Variants in MCF2L observed in about 807,000 individuals in gnomAD.
The protein encoded by MCF2L is MCF.2 cell line derived transforming sequence like.
MCF2L carries 97 observed loss-of-function variants against 153.4 expected under a neutral mutation model. That is an observed-to-expected ratio of 0.63 (90% CI 0.54 to 0.75). MCF2L has a LOEUF of 0.75. MCF2L is among the 30% of genes least tolerant of loss of function. The pLI is 0.00. For missense variants in MCF2L, 1,347 were observed against 1,495.2 expected, an observed-to-expected ratio of 0.90 and a Z score of 1.64; for synonymous variants, 659 against 632.2, an observed-to-expected ratio of 1.04 and a Z score of -0.64.
At chr13:113,002,386 C>T (rs912318767) in intron 1 of MCF2L, among the ~76,000 whole-genome samples, 7 of 152,258 alleles carry the variant, frequency 4.6e-5, no homozygotes, top group African/African-American at 1.4e-4. Context: ...GCAGCGCCCA[C>T]GTCTGGCTGG....
rs563116404 is a variant in MCF2L, at chr13:113,071,193, T to G, written c.996+1020T>G. 8.5e-5 allele frequency among the ~76,000 whole-genome samples: 13 copies of G among 152,348 alleles called. No homozygotes were observed. The South Asian group carries it at 2.7e-3, about 32-fold the overall frequency. On this transcript the variant is annotated intron_variant, in intron 9 of 29. Transcript: ENST00000535094. Reference sequence around the variant, plus strand: ...TTATTTGCCATTCGCATATCCTCTTTGGTAAAATGTCTTATTTCTGTTGCC... The same window carrying G: ...TTATTTGCCATTCGCATATCCTCTTGGGTAAAATGTCTTATTTCTGTTGCC...
At chr13:112,999,921 C>T (rs534939974) in intron 1 of MCF2L, among the ~76,000 whole-genome samples, 1 of 152,010 alleles carries the variant, frequency 6.6e-6, no homozygotes, top group Non-Finnish European at 1.5e-5. Context: ...GTGCGGGCGG[C>T]GAGTGGGCTG....
chr13:113,082,933 C>T (rs1308097621), intron 17 of MCF2L, among the ~76,000 whole-genome samples: 11 of 152,134 alleles, frequency 7.2e-5, no homozygotes, highest in Admixed American at 5.9e-4. Context: ...AGGGGGTCAC[C>T]GAAGGCCATA....
upstream of MCF2L, among the ~76,000 whole-genome samples, chr13:112,964,448 C>T (rs1033857896): frequency 2.6e-5 from 4 of 152,204 alleles, no homozygotes; most frequent in South Asian, 6.2e-4. Flanking sequence ...AATCCCACAG[C>T]GCCCTGTGTC....
At chr13:112,914,885 T>C (rs1462477991) in intron 2 of MCF2L, among the ~76,000 whole-genome samples, 3 of 152,196 alleles carry the variant, frequency 2.0e-5, no homozygotes, top group Admixed American at 2.0e-4. Flanking sequence ...TTTTTTTTCT[T>C]TTGCCACTTA....
chr13:113,081,378 C>A, intron 16 of MCF2L, 99 bp downstream of exon 16: 1 of 1,193,680 alleles, frequency 8.4e-7, no homozygotes, highest in Non-Finnish European at 1.2e-6. Flanking sequence ...AGCCTGCTGT[C>A]CACCAAATGC....
At chr13:112,968,929 G>A, upstream of MCF2L, 2 of 548,708 alleles carry the variant, frequency 3.6e-6, no homozygotes, top group Non-Finnish European at 6.0e-6. Context: ...CGAATTTCTA[G>A]GTGACCTGTG....
At chr13:113,002,541 C>T (rs771047432) in intron 1 of MCF2L, among the ~76,000 whole-genome samples, 17 of 152,200 alleles carry the variant, frequency 1.1e-4, no homozygotes, top group Non-Finnish European at 2.5e-4. Context: ...GTGGACCCGG[C>T]TGGGCGGCCT....
chr13:113,082,727 G>A (rs1426321466), intron 17 of MCF2L, among the ~76,000 whole-genome samples, 185 bp downstream of exon 17: 4 of 152,192 alleles, frequency 2.6e-5, no homozygotes, highest in Admixed American at 6.5e-5. Flanking sequence ...GAGCGCCCAC[G>A]TGGCACCGTA....
rs982274425 is a variant in MCF2L at position 113,097,534 on chromosome 13, G to A, written c.*675G>A. 3 of 152,180 alleles carry A rather than the reference G, an allele frequency of 2.0e-5. No homozygotes were observed. Among genetic ancestry groups the A allele is most frequent in the African/African-American group, 4.8e-5 (2 of 41,438 alleles). The allele number at this position is 152,180 out of a possible 1,614,324, so 9.4% of individuals were successfully genotyped here. On this transcript the variant is annotated 3_prime_UTR_variant, in exon 30 of 30. Transcript: ENST00000535094. Reference sequence around the variant, plus strand: ...CACAGGTGGATGAAAACGTGTCCGTGGGTGACATCAGGTGGTGTCTCCACC... The same window carrying A: ...CACAGGTGGATGAAAACGTGTCCGTAGGTGACATCAGGTGGTGTCTCCACC...
chr13:113,030,327 T>A (rs554859913), intron 3 of MCF2L, among the ~76,000 whole-genome samples: 1 of 134,626 alleles, frequency 7.4e-6, no homozygotes, highest in Non-Finnish European at 1.6e-5. Flanking sequence ...GACCCTCAGG[T>A]GTCTGCCGAC....
At chr13:112,895,328 C>T (rs1191276014) in intron 1 of MCF2L, among the ~76,000 whole-genome samples, 1 of 152,156 alleles carries the variant, frequency 6.6e-6, no homozygotes, top group Admixed American at 6.5e-5. Flanking sequence ...GCCGCCCAGG[C>T]AGGATGTGCC....
intron 2 of MCF2L, among the ~76,000 whole-genome samples, chr13:112,911,505 CT>C (rs1170328615): frequency 2.6e-5 from 4 of 152,260 alleles, no homozygotes; most frequent in Admixed American, 2.0e-4. Context: ...CTGCTGCAGG[CT>C]CCTCTGGGAA....
chr13:113,078,815 G>A lies in MCF2L; in HGVS notation c.1808+76G>A, dbSNP rs544597953. 227 of 1,268,510 alleles carry A rather than the reference G, an allele frequency of 1.8e-4. No individual in the cohort carries two copies. The East Asian group carries it at 5.2e-3, about 29-fold the overall frequency. 78.6% of individuals were successfully genotyped at this position (1,268,510 alleles called of 1,614,324 possible). On this transcript the variant is annotated intron_variant, in intron 15 of 29. Coordinates refer to ENST00000535094, the MANE Select transcript of MCF2L (RefSeq NM_001112732.3). ...AACCACCAGATGCCGTCAGGCACTC[G>A]AGCAGATGCCTCACAGATAGAAGGC...
At chr13:112,933,484 G>T (rs1403369421) in intron 2 of MCF2L, among the ~76,000 whole-genome samples, 3 of 152,226 alleles carry the variant, frequency 2.0e-5, no homozygotes, top group African/African-American at 7.2e-5. Context: ...TGAGTGCTGG[G>T]ACCGTGCGCT....
chr13:113,058,006 C>T (rs1197778717), intron 4 of MCF2L, among the ~76,000 whole-genome samples: 2 of 140,034 alleles, frequency 1.4e-5, no homozygotes, highest in Non-Finnish European at 3.0e-5. Flanking sequence ...TGTTTGGGCT[C>T]TGAGTGTTTG....
Position 113,081,224 on chromosome 13 carries a change from G to C in MCF2L, c.1820G>C (p.Ser607Thr), listed in dbSNP as rs773432986. Residue 607 changes from serine (S) to threonine (T), a missense_variant, in exon 16 of 30, where the codon AGC (serine) becomes ACC (threonine). Ser to Thr is a moderately conservative substitution (Grantham distance 58). Around this residue, in one of 3 missense-constraint regions of MCF2L, gnomAD observed 820 missense variants for 921.2 expected, o/e 0.89. Coordinates refer to ENST00000535094, the MANE Select transcript of MCF2L (RefSeq NM_001112732.3). ...SLAILRRHVM[S>T]ELLDTERAYV... Reference sequence around the variant, plus strand: ...TGACCTGCCACCAGGCACGTGATGAGCGAGCTCCTGGACACAGAACGGGCC... The same window carrying C: ...TGACCTGCCACCAGGCACGTGATGACCGAGCTCCTGGACACAGAACGGGCC... 5.7e-6 allele frequency: 9 copies of C among 1,587,724 alleles called. No homozygotes were observed. The highest frequency in any genetic ancestry group is 7.7e-6 in the Non-Finnish European group (9 of 1,167,758).
At chr13:113,092,962 G>A (rs1382525317) in intron 26 of MCF2L, among the ~76,000 whole-genome samples, 3 of 152,092 alleles carry the variant, frequency 2.0e-5, no homozygotes, top group African/African-American at 7.2e-5. Context: ...CCTGTGGACA[G>A]GTTCGTGTGT....
intron 2 of MCF2L, among the ~76,000 whole-genome samples, chr13:112,929,946 G>A (rs1467910777): frequency 2.4e-4 from 36 of 152,178 alleles, no homozygotes; most frequent in Admixed American, 2.2e-3. Flanking sequence ...CTGGGATAAC[G>A]CTCTAATAAA....
Sources: allele counts gnomAD v4.1 joint callset (sites outside exome capture counted in the v4.1 genomes callset), GRCh38; gene constraint gnomAD v4.1.1; regional missense constraint gnomAD v4.1.1; transcripts MANE v1.5; gene names NCBI Gene and HGNC (gene_info 2026-07-23, HGNC 2026-07-21).